The following SPHKAP variants were observed in gnomAD, a reference collection of about 807,000 sequenced individuals.
The protein encoded by SPHKAP is A-kinase anchor protein SPHKAP.
Under a neutral mutation model 137.5 loss-of-function variants are expected in SPHKAP, and 67 were observed. That is an observed-to-expected ratio of 0.49 (90% CI 0.40 to 0.60). The LOEUF is 0.60. SPHKAP is among the 20% of genes least tolerant of loss of function. The probability of loss-of-function intolerance (pLI) is 0.00; values close to 1 mark genes in which losing one functional copy is unlikely to be tolerated. For missense variants in SPHKAP, 2,097 were observed against 2,069.3 expected, an observed-to-expected ratio of 1.01 and a Z score of -0.26; for synonymous variants, 813 against 785.3, an observed-to-expected ratio of 1.04 and a Z score of -0.59.
chr2:228,033,131 C>A (rs1695414822), intron 3 of SPHKAP, among the ~76,000 whole-genome samples: 1 of 151,980 alleles, frequency 6.6e-6, no homozygotes, highest in South Asian at 2.1e-4. Flanking sequence ...ATTCAGGAAA[C>A]CCATCTCACG....
At chr2:228,137,541 A>G (rs1168036876) in intron 1 of SPHKAP, among the ~76,000 whole-genome samples, 1 of 152,204 alleles carries the variant, frequency 6.6e-6, no homozygotes, top group Non-Finnish European at 1.5e-5. Context: ...ATTCTAAAAG[A>G]TAAGATTCGC....
intron 2 of SPHKAP, among the ~76,000 whole-genome samples, chr2:228,110,481 A>G (rs1243288504): frequency 6.6e-6 from 1 of 152,210 alleles, no homozygotes; most frequent in African/African-American, 2.4e-5. Flanking sequence ...TTATTACTGC[A>G]GACTGACGTT....
intron 3 of SPHKAP, among the ~76,000 whole-genome samples, chr2:228,065,915 C>T (rs949621858): frequency 2.6e-5 from 4 of 152,134 alleles, no homozygotes; most frequent in African/African-American, 4.8e-5. Context: ...TATCATGAGT[C>T]AACTATGCAC....
rs539733226 is a variant in SPHKAP at position 228,081,433 on chromosome 2, T to C, written c.246+27399A>G. Among the ~76,000 whole-genome samples, 16 of 152,360 alleles carry C rather than the reference T, an allele frequency of 1.1e-4. No homozygotes were observed. In the East Asian group the frequency reaches 2.1e-3, roughly 20 times the overall value. ...TGTAAACTGATAGAGATCTGTTTCA[T>C]ATACTTTTCGTTCACAATCCAAAGG... On this transcript the variant is annotated intron_variant, in intron 3 of 11. Coordinates refer to ENST00000392056, the MANE Select transcript of SPHKAP (RefSeq NM_001142644.2).
Position 228,124,533 on chromosome 2 carries a change from C to T in SPHKAP, c.138+7447G>A, listed in dbSNP as rs1204836911. Among the ~76,000 whole-genome samples, 18 of 140,204 alleles carry T rather than the reference C, an allele frequency of 1.3e-4. No homozygotes were observed. In the East Asian group the frequency reaches 1.7e-3, roughly 13 times the overall value. 92.0% of individuals were successfully genotyped at this position (140,204 alleles called of 152,430 possible). ...TCACTCATAGGTGGGAATTGAACAA[C>T]GAGAACACTTGGACACAGGAAGGGG... is the stretch of plus-strand genomic sequence containing the variant. On this transcript the variant is annotated intron_variant, in intron 2 of 11. Coordinates refer to ENST00000392056, the MANE Select transcript of SPHKAP (RefSeq NM_001142644.2).
intron 2 of SPHKAP, among the ~76,000 whole-genome samples, chr2:228,122,640 T>C (rs1348127447): frequency 6.6e-6 from 1 of 152,178 alleles, no homozygotes; most frequent in Non-Finnish European, 1.5e-5. Context: ...CACCTCTCTG[T>C]TTCTGCGTGG....
chr2:228,136,310 T>A (rs1425649196), intron 1 of SPHKAP, among the ~76,000 whole-genome samples: 2 of 152,200 alleles, frequency 1.3e-5, no homozygotes, highest in African/African-American at 2.4e-5. Flanking sequence ...CCGTTAAGTG[T>A]GTTTCAATGA....
At position 228,019,343 on chromosome 2, in the gene SPHKAP, G is replaced by A. The variant is rs767368345; in HGVS notation, c.1511C>T (p.Ala504Val). 1.2e-6 allele frequency: 2 copies of A among 1,614,068 alleles called. No homozygotes were observed. Among genetic ancestry groups the A allele is most frequent in the African/African-American group, 2.7e-5 (2 of 74,948 alleles). Residue 504 changes from alanine to valine, a missense_variant, in exon 7 of 12, where the codon GCC (alanine) becomes GTC (valine). Ala to Val is a moderately conservative substitution (Grantham distance 64, BLOSUM62 0). Coordinates refer to ENST00000392056, the MANE Select transcript of SPHKAP (RefSeq NM_001142644.2). ...ACTGGAAATAGTTCCAATCACAGTG[G>A]CTGCACAAGCTAACGCCACTTCTAG... Reference protein sequence around the residue: ...SALEVALACAATVIGTISSPQ... With the variant: ...SALEVALACAVTVIGTISSPQ...
chr2:228,134,050 G>T (rs1363986419), intron 1 of SPHKAP, among the ~76,000 whole-genome samples: 1 of 150,646 alleles, frequency 6.6e-6, no homozygotes, highest in Non-Finnish European at 1.5e-5. Context: ...GGAAGGAAGA[G>T]AGGAAGGAAG....
chr2:228,140,848 C>T (rs1419598484), intron 1 of SPHKAP, among the ~76,000 whole-genome samples: 3 of 152,086 alleles, frequency 2.0e-5, no homozygotes, highest in Non-Finnish European at 4.4e-5. Context: ...CATGCCCACT[C>T]CCCCTTTGTC....
chr2:228,138,109 G>A (rs927695401), intron 1 of SPHKAP, among the ~76,000 whole-genome samples: 1 of 152,168 alleles, frequency 6.6e-6, no homozygotes, highest in African/African-American at 2.4e-5. Flanking sequence ...AGTTTAGAAA[G>A]AATTCTCACA....
intron 2 of SPHKAP, among the ~76,000 whole-genome samples, chr2:228,116,557 C>T (rs1698715684): frequency 6.6e-6 from 1 of 152,150 alleles, no homozygotes; most frequent in Non-Finnish European, 1.5e-5. Context: ...ATAATTCTCT[C>T]ATAAGACTTT....
At chr2:228,084,979 G>A (rs1388417610) in intron 3 of SPHKAP, among the ~76,000 whole-genome samples, 1 of 152,134 alleles carries the variant, frequency 6.6e-6, no homozygotes, top group African/African-American at 2.4e-5. Context: ...TCACCTCTTA[G>A]GTAATTCAAC....
chr2:228,078,800 T>A (rs1697264365), intron 3 of SPHKAP, among the ~76,000 whole-genome samples: 1 of 152,072 alleles, frequency 6.6e-6, no homozygotes, highest in Non-Finnish European at 1.5e-5. Context: ...AGATACCCAC[T>A]GAGTAGGAGA....
rs1553614221 is a variant in SPHKAP, at chr2:228,024,361, T to TA, written c.441+1032dup. On this transcript the variant is annotated intron_variant, in intron 5 of 11. Coordinates refer to ENST00000392056, the MANE Select transcript of SPHKAP (RefSeq NM_001142644.2). ...GAGGCAGTTTTTTTTTTTTTTTTTTTAAATCTGTGAATTCTAGAAAGAAAA... is the reference window on the plus strand; with the variant it reads ...GAGGCAGTTTTTTTTTTTTTTTTTTTAAAATCTGTGAATTCTAGAAAGAAAA... Among the ~76,000 whole-genome samples the TA allele has an allele frequency of 8.5e-3, 1,236 of 145,156 alleles. 9 individuals are homozygous for TA. Among genetic ancestry groups the TA allele is most frequent in the South Asian group, 0.028 (129 of 4,586 alleles).
chr2:228,087,733 T>G (rs1044276094), intron 3 of SPHKAP, among the ~76,000 whole-genome samples: 5 of 152,138 alleles, frequency 3.3e-5, no homozygotes, highest in African/African-American at 1.2e-4. Flanking sequence ...AAAGAGAGAT[T>G]GACAGGGATA....
intron 4 of SPHKAP, among the ~76,000 whole-genome samples, chr2:228,026,641 C>T (rs1261588159): frequency 1.3e-5 from 2 of 151,962 alleles, no homozygotes; most frequent in Non-Finnish European, 2.9e-5. Flanking sequence ...ATGGACTCTG[C>T]ACCATAATTC....
chr2:228,019,378 G>T lies in SPHKAP; in HGVS notation c.1476C>A (p.Pro492=). The T allele has an allele frequency of 6.2e-7, 1 of 1,614,134 alleles. No homozygotes were observed. The highest frequency in any genetic ancestry group is 8.5e-7 in the Non-Finnish European group (1 of 1,180,024). The change falls in exon 7 of 12, where the codon CCC becomes CCA. Residue 492 remains proline, a synonymous_variant. Transcript: ENST00000392056. ...ILSGENSSRQ[P]QSALEVALAC... ...CTAACGCCACTTCTAGAGCACTCTG[G>T]GGTTGTCTGCTGGAGTTCTCTCCAG...
At chr2:228,147,642 T>C (rs1365231933) in intron 1 of SPHKAP, among the ~76,000 whole-genome samples, 1 of 152,194 alleles carries the variant, frequency 6.6e-6, no homozygotes, top group Non-Finnish European at 1.5e-5. Flanking sequence ...CTCCCTGAGC[T>C]TCAGGTTCCT....
Sources: allele counts gnomAD v4.1 joint callset (sites outside exome capture counted in the v4.1 genomes callset), GRCh38; gene constraint gnomAD v4.1.1; transcripts MANE v1.5; gene names NCBI Gene and HGNC (gene_info 2026-07-23, HGNC 2026-07-21).